The following CNTNAP2 variants were observed in gnomAD, a reference collection of about 807,000 sequenced individuals.
CNTNAP2 encodes contactin-associated protein-like 2.
CNTNAP2 carries 98 observed loss-of-function variants against 155.2 expected under a neutral mutation model. The observed-to-expected ratio is 0.63, with a 90% CI of 0.54 to 0.75. The LOEUF (loss-of-function observed/expected upper bound fraction) is 0.75. Among genes scored for constraint, CNTNAP2 ranks in the 30% least tolerant of loss-of-function variants. CNTNAP2 has a pLI of 0.00. For synonymous variants in CNTNAP2, 651 were observed against 631.2 expected, an observed-to-expected ratio of 1.03 and a Z score of -0.47; for missense variants, 1,727 against 1,688.1, an observed-to-expected ratio of 1.02 and a Z score of -0.40.
rs530268300 is a variant in CNTNAP2 at position 146,563,872 on chromosome 7, A to G, written c.98-210399A>G. On this transcript the variant is annotated intron_variant, in intron 1 of 23. Coordinates refer to ENST00000361727, the MANE Select transcript of CNTNAP2 (RefSeq NM_014141.6). ...GTAACAGTCAACCAATAAATGGAAC[A>G]TTGTCTCCCTAATTCATTCAGAGAT... Among the ~76,000 whole-genome samples, 8 of 152,282 alleles carry G rather than the reference A, an allele frequency of 5.3e-5. No homozygotes were observed. In the East Asian group the frequency reaches 1.5e-3, roughly 29 times the overall value.
intron 1 of CNTNAP2, among the ~76,000 whole-genome samples, chr7:146,126,697 G>A (rs779745666): frequency 3.9e-5 from 6 of 152,188 alleles, no homozygotes; most frequent in Non-Finnish European, 7.4e-5. Flanking sequence ...TAATCTATAA[G>A]CACAGTTTTG....
chr7:147,645,445 C>T (rs1471900803), intron 13 of CNTNAP2, among the ~76,000 whole-genome samples: 2 of 151,880 alleles, frequency 1.3e-5, no homozygotes, highest in African/African-American at 2.4e-5. Context: ...ATTATTATAC[C>T]CACTCATTGT....
chr7:146,720,512 C>T (rs1282951292), intron 1 of CNTNAP2, among the ~76,000 whole-genome samples: 3 of 151,988 alleles, frequency 2.0e-5, no homozygotes, highest in African/African-American at 7.3e-5. Context: ...AAATTGAGCT[C>T]TGTATATAAG....
chr7:147,899,902 A>AAG (rs1563128486), intron 13 of CNTNAP2, among the ~76,000 whole-genome samples: 20 of 149,976 alleles, frequency 1.3e-4, no homozygotes, highest in South Asian at 4.2e-4. Context: ...CAAAAAAAAA[A>AAG]AAAGAAAGAA....
chr7:146,162,994 C>A (rs1006717774), intron 1 of CNTNAP2, among the ~76,000 whole-genome samples: 2 of 152,004 alleles, frequency 1.3e-5, no homozygotes, highest in African/African-American at 4.8e-5. Flanking sequence ...ACATCACACA[C>A]TGGGGTCTGT....
chr7:148,060,441 A>T (rs1803108213), intron 15 of CNTNAP2, among the ~76,000 whole-genome samples: 1 of 152,188 alleles, frequency 6.6e-6, no homozygotes, highest in Non-Finnish European at 1.5e-5. Flanking sequence ...GCAATTCTAA[A>T]TTAGCTCTCA....
intron 14 of CNTNAP2, among the ~76,000 whole-genome samples, chr7:147,970,104 A>AT (rs1028171119): frequency 1.3e-5 from 2 of 151,330 alleles, no homozygotes; most frequent in Non-Finnish European, 2.9e-5. Flanking sequence ...TAATTTTAAA[A>AT]TTTTTTATAG....
At chr7:147,048,588 A>G (rs547709414) in intron 4 of CNTNAP2, among the ~76,000 whole-genome samples, 1 of 152,368 alleles carries the variant, frequency 6.6e-6, no homozygotes, top group Admixed American at 6.5e-5. Flanking sequence ...GTTCTCTGAT[A>G]GAACTTTCTA....
intron 8 of CNTNAP2, among the ~76,000 whole-genome samples, chr7:147,283,274 A>G (rs1277520225): frequency 6.6e-6 from 1 of 151,886 alleles, no homozygotes; most frequent in African/African-American, 2.4e-5. Flanking sequence ...TTGTTGACAT[A>G]TACATATGGA....
At chr7:147,071,271 T>C (rs1230277840) in intron 4 of CNTNAP2, among the ~76,000 whole-genome samples, 2 of 150,726 alleles carry the variant, frequency 1.3e-5, no homozygotes, top group Non-Finnish European at 2.9e-5. Flanking sequence ...TAACAAATAA[T>C]GAAGTGATAC....
At chr7:146,518,636 A>C (rs1797574527) in intron 1 of CNTNAP2, among the ~76,000 whole-genome samples, 1 of 151,874 alleles carries the variant, frequency 6.6e-6, no homozygotes, top group Non-Finnish European at 1.5e-5. Context: ...GTCCCTAAAA[A>C]TTCAAACATT....
chr7:147,095,292 T>A (rs1178514816), intron 4 of CNTNAP2, among the ~76,000 whole-genome samples: 1 of 149,226 alleles, frequency 6.7e-6, no homozygotes, highest in African/African-American at 2.5e-5. Flanking sequence ...CACCTCGGCC[T>A]CCCAAAGTGC....
chr7:147,186,786 G>A (rs893216762), intron 8 of CNTNAP2, among the ~76,000 whole-genome samples: 1 of 152,178 alleles, frequency 6.6e-6, no homozygotes, highest in Non-Finnish European at 1.5e-5. Flanking sequence ...CTTCTGGCAT[G>A]GCAGAAGCAG....
intron 21 of CNTNAP2, among the ~76,000 whole-genome samples, chr7:148,337,660 T>C (rs1168112688): frequency 1.3e-5 from 2 of 152,198 alleles, no homozygotes; most frequent in East Asian, 3.9e-4. Context: ...TGCACAGAAA[T>C]CTCTACTCAC....
At chr7:147,267,341 C>A (rs1804635474) in intron 8 of CNTNAP2, among the ~76,000 whole-genome samples, 1 of 152,048 alleles carries the variant, frequency 6.6e-6, no homozygotes, top group Non-Finnish European at 1.5e-5. Flanking sequence ...TAATGGAAAA[C>A]AGTATTAATA....
At chr7:147,287,157 G>C (rs1805198558) in intron 8 of CNTNAP2, among the ~76,000 whole-genome samples, 1 of 152,068 alleles carries the variant, frequency 6.6e-6, no homozygotes, top group Non-Finnish European at 1.5e-5. Flanking sequence ...TATAGCCAAA[G>C]AATAGAGTGG....
At chr7:147,637,971 AC>A (rs1195923530) in intron 12 of CNTNAP2, among the ~76,000 whole-genome samples, 1 of 152,182 alleles carries the variant, frequency 6.6e-6, no homozygotes, top group Non-Finnish European at 1.5e-5. Context: ...GGTTCCTATA[AC>A]AAAGAAAGGC....
At chr7:146,129,966 A>G (rs1428515603) in intron 1 of CNTNAP2, among the ~76,000 whole-genome samples, 1 of 152,216 alleles carries the variant, frequency 6.6e-6, no homozygotes, top group Admixed American at 6.5e-5. Flanking sequence ...AAACAGCAGG[A>G]AAAGACTGTT....
intron 9 of CNTNAP2, among the ~76,000 whole-genome samples, chr7:147,301,283 T>C (rs1329781153): frequency 6.6e-6 from 1 of 152,232 alleles, no homozygotes; most frequent in Non-Finnish European, 1.5e-5. Flanking sequence ...TGTCACATTT[T>C]CTAATTGAAA....
Sources: gnomAD v4.1 joint callset for allele counts (sites outside exome capture counted in the v4.1 genomes callset) on GRCh38, gnomAD v4.1.1 for gene constraint, MANE v1.5 for transcripts, NCBI Gene and HGNC (gene_info 2026-07-23, HGNC 2026-07-21) for gene names.